FBXL19: variants seen among roughly 807,000 people sequenced by gnomAD.
The protein encoded by FBXL19 is F-box/LRR-repeat protein 19.
In FBXL19, 16 loss-of-function variants were observed where a neutral mutation model predicts 71.2. The ratio of observed to expected loss-of-function variants is 0.22; its 90% confidence interval spans 0.15 to 0.34. The LOEUF is 0.34. Among genes scored for constraint, FBXL19 ranks in the 10% least tolerant of loss-of-function variants. FBXL19 has a pLI of 1.00. For missense variants in FBXL19, 658 were observed against 968.2 expected (o/e 0.68, Z 4.25); for synonymous variants, 447 against 409.4 (o/e 1.09, Z -1.11).
chr16:30,932,221 G>A (rs1187329162), intron 7 of FBXL19, among the ~76,000 whole-genome samples: 1 of 152,238 alleles, frequency 6.6e-6, no homozygotes, highest in Non-Finnish European at 1.5e-5. Flanking sequence ...ATTGTAGCCA[G>A]TATTTACTTA....
Position 30,927,934 on chromosome 16 carries a change from G to A in FBXL19, c.598G>A (p.Gly200Arg). The A allele has an allele frequency of 1.3e-6, 2 of 1,538,382 alleles. No homozygotes were observed. Among genetic ancestry groups the A allele is most frequent in the Non-Finnish European group, 8.7e-7 (1 of 1,150,440 alleles). ...CCCCAAACGAAAGGAAAGGGAGGCA[G>A]GGAATGAGCCTCCCACCCCAAGGAA... Reference protein sequence around the residue: ...GPPKRKEREAGNEPPTPRKKV... With the variant: ...GPPKRKEREARNEPPTPRKKV... The change falls in exon 5 of 11, where the codon GGG becomes AGG. Residue 200 changes from glycine (G) to arginine (R), a missense_variant. Gly to Arg is a moderately radical substitution (Grantham distance 125). Around this residue, in one of 8 missense-constraint regions of FBXL19, gnomAD observed 447 missense variants for 515.4 expected, o/e 0.87. Transcript: ENST00000338343.
In FBXL19 at chr16:30,947,925, G is replaced by A. The variant is rs994841302; in HGVS notation, c.*695G>A. On this transcript the variant is annotated 3_prime_UTR_variant, in exon 11 of 11. Transcript: ENST00000338343. ...AGCTATTGCAAGGAGTGGGGGCCGC[G>A]GGCAGCCGCTCTTCAGCTCGCGGCC... 3 of 452,252 alleles carry A rather than the reference G, an allele frequency of 6.6e-6. No homozygotes were observed. The highest frequency in any genetic ancestry group is 1.3e-5 in the Non-Finnish European group (3 of 224,908). The allele number at this position is 452,252 out of a possible 1,614,324, so 28.0% of individuals were successfully genotyped here.
intron 9 of FBXL19, among the ~76,000 whole-genome samples, chr16:30,944,762 C>G (rs1470972958): frequency 1.3e-5 from 2 of 152,220 alleles, no homozygotes; most frequent in Non-Finnish European, 2.9e-5. Context: ...CTCTATGGGC[C>G]TTTCCTCCTT....
intron 7 of FBXL19, among the ~76,000 whole-genome samples, chr16:30,938,871 C>T (rs959382086): frequency 2.0e-4 from 30 of 151,906 alleles, no homozygotes; most frequent in Admixed American, 7.2e-4. Flanking sequence ...CTCCTGATCT[C>T]GTGATCCGCC....
Position 30,947,672 on chromosome 16 carries a change from A to C in FBXL19, c.*442A>C, listed in dbSNP as rs1164544907. 2 of 169,320 alleles carry C rather than the reference A, an allele frequency of 1.2e-5. No homozygotes were observed. 10.5% of individuals were successfully genotyped at this position (169,320 alleles called of 1,614,324 possible). A position where few individuals can be genotyped will look rare whatever the true frequency, so the allele number is the denominator to read the frequency against. The stretch of plus-strand genomic sequence containing the variant: ...CAGGGAACAAAGACCAGTTACTTGG[A>C]GTGGGGGGTGGGGGTGGGGCCACAA... On this transcript the variant is annotated 3_prime_UTR_variant, in exon 11 of 11. Transcript: ENST00000338343.
In FBXL19 at chr16:30,947,993, C is replaced by T. The variant is rs977671054; in HGVS notation, c.*763C>T. 2 of 379,658 alleles carry T rather than the reference C, an allele frequency of 5.3e-6. No individual in the cohort carries two copies. Among genetic ancestry groups the T allele is most frequent in the South Asian group, 1.9e-5 (1 of 52,268 alleles). 23.5% of individuals were successfully genotyped at this position (379,658 alleles called of 1,614,324 possible). ...GCGCCCCAACCCCCTGCCCGCCTCTCCGCACAATACTTGAACATTCATCTG... is the reference window on the plus strand; with the variant it reads ...GCGCCCCAACCCCCTGCCCGCCTCTTCGCACAATACTTGAACATTCATCTG... On this transcript the variant is annotated 3_prime_UTR_variant, in exon 11 of 11. Transcript: ENST00000338343.
chr16:30,927,296 C>G lies in FBXL19; in HGVS notation c.178-12C>G. 1.3e-6 allele frequency: 2 copies of G among 1,546,400 alleles called. No homozygotes were observed. The highest frequency in any genetic ancestry group is 1.7e-6 in the Non-Finnish European group (2 of 1,145,406). The stretch of plus-strand genomic sequence containing the variant: ...GCTTTCGGGGCCCCTGATGTCCCCT[C>G]TCCCCCAACAGCCCGTGCTCCCACA... On this transcript the variant is annotated splice_polypyrimidine_tract_variant and intron_variant, in intron 2 of 10. Transcript: ENST00000338343.
intron 7 of FBXL19, among the ~76,000 whole-genome samples, chr16:30,935,275 C>A (rs572039364): frequency 1.2e-4 from 19 of 152,156 alleles, no homozygotes; most frequent in Non-Finnish European, 2.4e-4. Flanking sequence ...GCAGTGAGAT[C>A]ATCTTCGCTG....
intron 3 of FBXL19, 37 bp downstream of exon 3, chr16:30,927,488 AGATTGTCAGGGAGCAGAGAGTG>A: frequency 6.4e-7 from 1 of 1,572,554 alleles, no homozygotes; most frequent in South Asian, 1.2e-5. Context: ...GGGGTGGGGC[AGATTGTCAGGGAGCAGAGAGTG>A]GGGGATCACC....
chr16:30,934,711 AG>A (rs2055712565), intron 7 of FBXL19, among the ~76,000 whole-genome samples: 1 of 151,956 alleles, frequency 6.6e-6, no homozygotes. Flanking sequence ...TGGGGACAGC[AG>A]GGTAACCCTC....
intron 7 of FBXL19, among the ~76,000 whole-genome samples, chr16:30,933,773 A>G (rs1230938299): frequency 7.3e-6 from 1 of 136,966 alleles, no homozygotes; most frequent in Non-Finnish European, 1.6e-5. Context: ...TTTTTTTGAG[A>G]TGTAGTTTAG....
chr16:30,947,286 T>C lies in FBXL19; in HGVS notation c.*56T>C. The C allele has an allele frequency of 7.1e-7, 1 of 1,408,148 alleles. No homozygotes were observed. Among genetic ancestry groups the C allele is most frequent in the Non-Finnish European group, 9.4e-7 (1 of 1,059,326 alleles). The allele number at this position is 1,408,148 out of a possible 1,614,324, so 87.2% of individuals were successfully genotyped here. A position where few individuals can be genotyped will look rare whatever the true frequency, so the allele number is the denominator to read the frequency against. On this transcript the variant is annotated 3_prime_UTR_variant, in exon 11 of 11. Transcript: ENST00000338343. ...ACAGGAGCCTGGACCTCCGGCTTCATTTCACCCCTGCTGGGAGGCCAGGTT... is the reference window on the plus strand; with the variant it reads ...ACAGGAGCCTGGACCTCCGGCTTCACTTCACCCCTGCTGGGAGGCCAGGTT...
chr16:30,947,861 C>A lies in FBXL19; in HGVS notation c.*631C>A. The A allele has an allele frequency of 2.2e-6, 1 of 453,698 alleles. No individual in the cohort carries two copies. The highest frequency in any genetic ancestry group is 4.4e-6 in the Non-Finnish European group (1 of 225,494). The allele number at this position is 453,698 out of a possible 1,614,324, so 28.1% of individuals were successfully genotyped here. A position where few individuals can be genotyped will look rare whatever the true frequency, so the allele number is the denominator to read the frequency against. On this transcript the variant is annotated 3_prime_UTR_variant, in exon 11 of 11. Coordinates refer to ENST00000338343, the MANE Select transcript of FBXL19 (RefSeq NM_001382779.1). ...CCCCCTCCCCAGGCTTCAGTTCCTT[C>A]CCCCTGACCCTGACTCCTTGAACGT...
intron 5 of FBXL19, 27 bp downstream of exon 5, chr16:30,927,990 C>T: frequency 2.1e-6 from 3 of 1,405,140 alleles, no homozygotes; most frequent in Non-Finnish European, 2.8e-6. Flanking sequence ...GCTCACTAGG[C>T]TTGTCCTGAG....
At chr16:30,944,050 G>C (rs1045445235) in intron 9 of FBXL19, among the ~76,000 whole-genome samples, 1 of 152,130 alleles carries the variant, frequency 6.6e-6, no homozygotes, top group Non-Finnish European at 1.5e-5. Flanking sequence ...ATGGGTGGGG[G>C]GTAAGGTGGG....
Position 30,924,390 on chromosome 16 carries a change from CGCCGCCGATG to C in FBXL19, c.-85_-76del, listed in dbSNP as rs934319365. ...CGCGCCCCGCGCCGCCCGGCCCCCCCGCCGCCGATGGCCGCCGACCCGCCGGGAGCTGCCG... is the reference window on the plus strand; with the variant it reads ...CGCGCCCCGCGCCGCCCGGCCCCCCCGCCGCCGACCCGCCGGGAGCTGCCG... On this transcript the variant is annotated 5_prime_UTR_variant, in exon 1 of 11. An upstream start codon of the reference 5' UTR is lost. Coordinates refer to ENST00000338343, the MANE Select transcript of FBXL19 (RefSeq NM_001382779.1). 2 of 200,464 alleles carry C rather than the reference CGCCGCCGATG, an allele frequency of 1.0e-5. No individual in the cohort carries two copies. The highest frequency in any genetic ancestry group is 2.0e-5 in the Non-Finnish European group (2 of 99,400). 12.4% of individuals were successfully genotyped at this position (200,464 alleles called of 1,614,324 possible).
chr16:30,942,469 C>T lies in FBXL19; in HGVS notation c.1560C>T (p.Arg520=). 2 of 1,602,222 alleles carry T rather than the reference C, an allele frequency of 1.2e-6. No homozygotes were observed. The highest frequency in any genetic ancestry group is 2.3e-5 in the East Asian group (1 of 44,304). ...CAGCCCTGCGGCTCCTGGACCTCCGCTGGATCGAGGATGTTAAAGACTCCC... is the reference window on the plus strand; with the variant it reads ...CAGCCCTGCGGCTCCTGGACCTCCGTTGGATCGAGGATGTTAAAGACTCCC... ...PLPALRLLDL[R]WIEDVKDSQL... is the part of the protein sequence containing the mutation. The change falls in exon 9 of 11, where the codon CGC becomes CGT. Residue 520 remains arginine, a synonymous_variant. Transcript: ENST00000338343. This position sits in a 1 kb window ranked among gnomAD's most constrained non-coding sequence, Gnocchi z 5.7.
At chr16:30,924,612 C>T (rs1022106694) in intron 1 of FBXL19, 153 bp downstream of exon 1, 10 of 1,370,922 alleles carry the variant, frequency 7.3e-6, no homozygotes, top group Middle Eastern at 2.6e-4. Flanking sequence ...GACCTCTCCA[C>T]CCTGGGGAAC....
rs141827154 is a variant in FBXL19, at chr16:30,946,309, T to G, written c.1628-421T>G. On this transcript the variant is annotated intron_variant, in intron 9 of 10. Coordinates refer to ENST00000338343, the MANE Select transcript of FBXL19 (RefSeq NM_001382779.1). The surrounding 1 kb of genome is among the most constrained non-coding windows in gnomAD (Gnocchi z 6.7). ...ACCTCCACCTCTCGGGTTCAAGTGA[T>G]TCTCCTGCCTCAGCCTCCTGAGTAG... 7.7e-4 allele frequency among the ~76,000 whole-genome samples: 117 copies of G among 152,320 alleles called. No individual in the cohort carries two copies. Among genetic ancestry groups the G allele is most frequent in the African/African-American group, 2.7e-3 (111 of 41,580 alleles).
Sources: gnomAD v4.1 joint callset for allele counts (sites outside exome capture counted in the v4.1 genomes callset) on GRCh38, gnomAD v4.1.1 for gene constraint, gnomAD v4.1.1 regional missense constraint, Gnocchi (gnomAD v3.1) non-coding constraint, MANE v1.5 for transcripts, NCBI Gene and HGNC (gene_info 2026-07-23, HGNC 2026-07-21) for gene names.